The following CDC20B variants were observed in gnomAD, a reference collection of about 807,000 sequenced individuals.
CDC20B encodes cell division cycle protein 20 homolog B.
In CDC20B, 58 loss-of-function variants were observed where a neutral mutation model predicts 64.1. The observed-to-expected ratio is 0.90, with a 90% CI of 0.73 to 1.13. The LOEUF (loss-of-function observed/expected upper bound fraction) is 1.13, where lower values mean the gene tolerates loss of function less well. Among genes scored for constraint, CDC20B ranks in the 50% most tolerant of loss-of-function variants. The probability of loss-of-function intolerance (pLI) is 0.00; values close to 1 mark genes in which losing one functional copy is unlikely to be tolerated. For synonymous variants in CDC20B, 243 were observed against 230.6 expected (o/e 1.05, Z -0.49); for missense variants, 597 against 633.0 (o/e 0.94, Z 0.61).
intron 6 of CDC20B, among the ~76,000 whole-genome samples, chr5:55,129,005 A>C (rs1394448010): frequency 6.6e-6 from 1 of 152,194 alleles, no homozygotes; most frequent in Admixed American, 6.5e-5. Flanking sequence ...TGCCACCATC[A>C]TTTCTAACCA....
At chr5:55,147,978 G>C (rs1404429918) in intron 2 of CDC20B, among the ~76,000 whole-genome samples, 3 of 152,184 alleles carry the variant, frequency 2.0e-5, no homozygotes, top group Non-Finnish European at 4.4e-5. Flanking sequence ...AGAGCCTGTA[G>C]TAGTGAACCA....
At chr5:55,159,663 A>G (rs1217012132) in intron 2 of CDC20B, among the ~76,000 whole-genome samples, 1 of 152,176 alleles carries the variant, frequency 6.6e-6, no homozygotes, top group African/African-American at 2.4e-5. Flanking sequence ...CCTTTTTCAG[A>G]TATTTCCCTG....
intron 2 of CDC20B, chr5:55,161,331 T>G: frequency 7.4e-7 from 1 of 1,346,176 alleles, no homozygotes; most frequent in Non-Finnish European, 1.0e-6. Context: ...AATACTTTCC[T>G]ATTTCATTTG....
At chr5:55,161,161 T>C in intron 2 of CDC20B, 1 of 1,614,180 alleles carries the variant, frequency 6.2e-7, no homozygotes, top group Non-Finnish European at 8.5e-7. Context: ...AAGTAGAATC[T>C]TTTGCAAGAA....
chr5:55,130,280 T>C (rs189932791), intron 6 of CDC20B, among the ~76,000 whole-genome samples: 3 of 151,378 alleles, frequency 2.0e-5, no homozygotes, highest in Admixed American at 2.0e-4. Flanking sequence ...AGGATAGAGG[T>C]GATAGAGGAA....
chr5:55,118,856 C>G (rs1742687221), intron 11 of CDC20B, among the ~76,000 whole-genome samples: 1 of 152,128 alleles, frequency 6.6e-6, no homozygotes. Flanking sequence ...TCATTGTTGC[C>G]CACTAATATT....
chr5:55,160,578 C>T, intron 2 of CDC20B: 1 of 560,692 alleles, frequency 1.8e-6, no homozygotes. Flanking sequence ...ATAATAAATT[C>T]CGATTATCTC....
chr5:55,113,354 A>G lies in CDC20B; in HGVS notation c.*864T>C, dbSNP rs943022060. On this transcript the variant is annotated 3_prime_UTR_variant, in exon 12 of 12. Transcript: ENST00000381375. ...TATTTATGGCAGAGCCAAGGCAAAAAAAGATCTCCTAACTTCAAGTCCTGG... is the reference window on the plus strand; with the variant it reads ...TATTTATGGCAGAGCCAAGGCAAAAGAAGATCTCCTAACTTCAAGTCCTGG... The G allele has an allele frequency of 1.4e-4, 22 of 152,330 alleles. No individual in the cohort carries two copies. Among genetic ancestry groups the G allele is most frequent in the Non-Finnish European group, 2.9e-4 (20 of 68,108 alleles). 9.4% of individuals were successfully genotyped at this position (152,330 alleles called of 1,614,324 possible). A position where few individuals can be genotyped will look rare whatever the true frequency, so the allele number is the denominator to read the frequency against.
rs1185785246 is a variant in CDC20B at position 55,117,528 on chromosome 5, G to C, written c.1459+2273C>G. 5.3e-5 allele frequency among the ~76,000 whole-genome samples: 8 copies of C among 151,812 alleles called. 1 individual carries two copies. Among genetic ancestry groups the C allele is most frequent in the Admixed American group, 4.6e-4 (7 of 15,236 alleles). ...GACTCACTACATTCATAATCCAATG[G>C]TCATGACCCCCAGTTTGAAGACCCT... is the stretch of plus-strand genomic sequence containing the variant. On this transcript the variant is annotated intron_variant, in intron 11 of 11. Transcript: ENST00000381375.
intron 11 of CDC20B, among the ~76,000 whole-genome samples, chr5:55,116,891 G>A (rs1742637565): frequency 2.0e-5 from 3 of 152,178 alleles, no homozygotes; most frequent in Admixed American, 6.5e-5. Context: ...TGGACTGGAC[G>A]CAAAGACATT....
At position 55,119,938 on chromosome 5, in the gene CDC20B, T is replaced by C. The variant is rs751764261; in HGVS notation, c.1342-20A>G. 1.8e-5 allele frequency: 28 copies of C among 1,550,942 alleles called. No homozygotes were observed. Among genetic ancestry groups the C allele is most frequent in the Non-Finnish European group, 2.5e-5 (28 of 1,122,684 alleles). On this transcript the variant is annotated intron_variant, in intron 10 of 11. Coordinates refer to ENST00000381375, the MANE Select transcript of CDC20B (RefSeq NM_001170402.1). ...ACAAATCTGTAATAATGATCAAAAATAGAGAATTCTTGCAATTTCTGATTC... is the reference window on the plus strand; with the variant it reads ...ACAAATCTGTAATAATGATCAAAAACAGAGAATTCTTGCAATTTCTGATTC...
intron 9 of CDC20B, among the ~76,000 whole-genome samples, chr5:55,123,291 G>T (rs1168391984): frequency 6.6e-6 from 1 of 152,048 alleles, no homozygotes; most frequent in African/African-American, 2.4e-5. Context: ...GGAGAAGAGG[G>T]CTATTTCACA....
chr5:55,129,527 C>G (rs962372858), intron 6 of CDC20B, among the ~76,000 whole-genome samples: 1 of 152,160 alleles, frequency 6.6e-6, no homozygotes, highest in African/African-American at 2.4e-5. Context: ...AGGCATAGAA[C>G]TGATACCAGT....
At chr5:55,157,991 C>G (rs1743862315) in intron 2 of CDC20B, among the ~76,000 whole-genome samples, 1 of 152,084 alleles carries the variant, frequency 6.6e-6, no homozygotes. Flanking sequence ...TAAAATATCT[C>G]GTGTATTCAT....
intron 7 of CDC20B, among the ~76,000 whole-genome samples, chr5:55,128,204 A>G (rs1742940305): frequency 6.6e-6 from 1 of 151,904 alleles, no homozygotes; most frequent in Non-Finnish European, 1.5e-5. Context: ...TATGACAGAA[A>G]GATTGTGGTG....
At chr5:55,156,889 T>TAAA (rs1743824048) in intron 2 of CDC20B, among the ~76,000 whole-genome samples, 1 of 152,078 alleles carries the variant, frequency 6.6e-6, no homozygotes, top group African/African-American at 2.4e-5. Context: ...ATAATAATAA[T>TAAA]AAATAAAAAA....
chr5:55,130,083 T>G (rs1041129986), intron 6 of CDC20B, among the ~76,000 whole-genome samples: 3 of 152,068 alleles, frequency 2.0e-5, no homozygotes, highest in Non-Finnish European at 2.9e-5. Flanking sequence ...GAATGAAAAT[T>G]TATATGAAAC....
intron 9 of CDC20B, among the ~76,000 whole-genome samples, chr5:55,121,368 T>G (rs927350547): frequency 5.9e-5 from 9 of 152,216 alleles, no homozygotes; most frequent in Non-Finnish European, 1.2e-4. Context: ...TTCACAATTA[T>G]AATTTTTAAC....
chr5:55,153,267 C>G (rs1050428391), intron 2 of CDC20B, among the ~76,000 whole-genome samples: 1 of 108,808 alleles, frequency 9.2e-6, no homozygotes, highest in African/African-American at 3.6e-5. Flanking sequence ...AAAAAAAGAA[C>G]AATTTTCAAA....
Sources: gnomAD v4.1 joint callset for allele counts (sites outside exome capture counted in the v4.1 genomes callset) on GRCh38, gnomAD v4.1.1 for gene constraint, MANE v1.5 for transcripts, NCBI Gene and HGNC (gene_info 2026-07-23, HGNC 2026-07-21) for gene names.